Variants in SH2D4A observed in about 807,000 individuals in gnomAD.
SH2D4A encodes the protein SH2 domain-containing protein 4A.
Under a neutral mutation model 64.7 loss-of-function variants are expected in SH2D4A, and 70 were observed. The observed-to-expected ratio is 1.08, with a 90% CI of 0.89 to 1.32. SH2D4A has a LOEUF of 1.32. SH2D4A is among the 40% of genes most tolerant of loss of function. The pLI is 0.00. For missense variants in SH2D4A, 706 were observed against 540.1 expected, an observed-to-expected ratio of 1.31 and a Z score of -3.04; for synonymous variants, 268 against 200.7, an observed-to-expected ratio of 1.34 and a Z score of -2.83.
chr8:19,385,835 A>G (rs943120833), intron 8 of SH2D4A, among the ~76,000 whole-genome samples: 7 of 152,286 alleles, frequency 4.6e-5, no homozygotes, highest in Middle Eastern at 6.8e-3. Context: ...GTGATCATCT[A>G]TCCTTCTACT....
At chr8:19,372,008 CTA>C (rs984802892) in intron 7 of SH2D4A, among the ~76,000 whole-genome samples, 4 of 152,164 alleles carry the variant, frequency 2.6e-5, no homozygotes, top group African/African-American at 7.2e-5. Context: ...TCACACATCT[CTA>C]TGACTTTAGG....
At chr8:19,350,615 C>G (rs1467173414) in intron 4 of SH2D4A, among the ~76,000 whole-genome samples, 2 of 152,134 alleles carry the variant, frequency 1.3e-5, no homozygotes, top group African/African-American at 4.8e-5. Context: ...TCCCGAGTAG[C>G]TGGAACTACA....
intron 8 of SH2D4A, among the ~76,000 whole-genome samples, chr8:19,391,116 C>CAT (rs2053485632): frequency 6.6e-6 from 1 of 152,156 alleles, no homozygotes. Context: ...TCATTGAAAA[C>CAT]ATCCCTGGGT....
At chr8:19,350,676 G>A (rs2117254589) in intron 4 of SH2D4A, among the ~76,000 whole-genome samples, 1 of 152,218 alleles carries the variant, frequency 6.6e-6, no homozygotes, top group East Asian at 1.9e-4. Context: ...TAAAGACAGG[G>A]TTTCACCATG....
intron 4 of SH2D4A, among the ~76,000 whole-genome samples, chr8:19,354,261 A>C (rs2052755504): frequency 6.6e-6 from 1 of 152,164 alleles, no homozygotes; most frequent in African/African-American, 2.4e-5. Context: ...TTGGCCTCTC[A>C]AAGTGCTGGG....
At chr8:19,314,827 T>C (rs995381946) in intron 1 of SH2D4A, among the ~76,000 whole-genome samples, 18 of 152,208 alleles carry the variant, frequency 1.2e-4, no homozygotes, top group African/African-American at 4.1e-4. Context: ...TTCTGAAGAA[T>C]AGTATATATT....
At chr8:19,374,850 T>G (rs186731516) in intron 8 of SH2D4A, among the ~76,000 whole-genome samples, 20 of 152,274 alleles carry the variant, frequency 1.3e-4, no homozygotes, top group African/African-American at 4.8e-4. Flanking sequence ...TAGCCGCGGC[T>G]GTCTCAGCTG....
At chr8:19,387,943 T>C (rs2053418970) in intron 8 of SH2D4A, among the ~76,000 whole-genome samples, 1 of 152,206 alleles carries the variant, frequency 6.6e-6, no homozygotes, top group Non-Finnish European at 1.5e-5. Flanking sequence ...GTTCTGATCC[T>C]TGACTCATTA....
chr8:19,333,181 A>G (rs1574287), intron 3 of SH2D4A, 67 bp downstream of exon 3: 338,845 of 1,509,266 alleles, frequency 0.22, 40,159 homozygotes, highest in African/African-American at 0.34. Context: ...TTGCAAACAC[A>G]CCTCTTGCTC....
intron 4 of SH2D4A, among the ~76,000 whole-genome samples, chr8:19,348,490 A>C (rs933484209): frequency 2.0e-5 from 3 of 152,212 alleles, no homozygotes; most frequent in South Asian, 2.1e-4. Context: ...ACTTCCACTT[A>C]AATTTTCCGT....
intron 1 of SH2D4A, 137 bp downstream of exon 1, chr8:19,313,960 C>T (rs1047371091): frequency 1.6e-6 from 2 of 1,262,846 alleles, no homozygotes; most frequent in Non-Finnish European, 9.9e-7. Context: ...GCCTCACCCC[C>T]GCCTCCACCC....
intron 4 of SH2D4A, among the ~76,000 whole-genome samples, chr8:19,343,321 T>C (rs1024669572): frequency 1.6e-4 from 25 of 152,148 alleles, no homozygotes; most frequent in African/African-American, 6.0e-4. Context: ...TAGTTCCAGC[T>C]ACTCCAGTGG....
intron 8 of SH2D4A, among the ~76,000 whole-genome samples, chr8:19,378,911 C>CAA (rs375441883): frequency 0.16 from 16,809 of 102,806 alleles, 1,573 homozygotes; most frequent in Non-Finnish European, 0.18. Flanking sequence ...CCCATCTCTC[C>CAA]AAAAAAAAAA....
Position 19,319,626 on chromosome 8 carries a change from C to CAACA in SH2D4A, c.79_80insAACA (p.Leu27GlnfsTer48). 1 of 1,611,196 alleles carries CAACA rather than the reference C, an allele frequency of 6.2e-7. No individual in the cohort carries two copies. Among genetic ancestry groups the CAACA allele is most frequent in the African/African-American group, 1.3e-5 (1 of 74,888 alleles). Reference sequence around the variant, plus strand: ...GCTCAGCGAAGAACAGAAACAGATCCTGTTCTTCAAGATGAGAGAGGAACA... The same window carrying CAACA: ...GCTCAGCGAAGAACAGAAACAGATCCAACATGTTCTTCAAGATGAGAGAGGAACA... On this transcript the variant is annotated frameshift_variant, in exon 2 of 10. Transcript: ENST00000265807. LOFTEE classifies it high-confidence loss of function.
intron 9 of SH2D4A, among the ~76,000 whole-genome samples, chr8:19,393,870 A>G (rs1428196735): frequency 3.9e-5 from 6 of 152,164 alleles, no homozygotes; most frequent in South Asian, 4.1e-4. Flanking sequence ...CTGGATGACA[A>G]TTTCTCCATG....
intron 2 of SH2D4A, among the ~76,000 whole-genome samples, chr8:19,326,818 C>A (rs1312424609): frequency 6.6e-6 from 1 of 152,156 alleles, no homozygotes; most frequent in Non-Finnish European, 1.5e-5. Flanking sequence ...CCTTGATCTC[C>A]ACCTTAGCTG....
chr8:19,357,192 T>G lies in SH2D4A; in HGVS notation c.514-11T>G. ...TCCAAATGCCATAAATGTGTTTCGT[T>G]TAATTTTTAGTCACTCTCCAGTTCT... On this transcript the variant is annotated splice_polypyrimidine_tract_variant and intron_variant, in intron 4 of 9. Coordinates refer to ENST00000265807, the MANE Select transcript of SH2D4A (RefSeq NM_022071.4). 1 of 1,607,226 alleles carries G rather than the reference T, an allele frequency of 6.2e-7. No homozygotes were observed. The highest frequency in any genetic ancestry group is 8.5e-7 in the Non-Finnish European group (1 of 1,173,780).
rs777155346 is a variant in SH2D4A, at chr8:19,393,499, G to C, written c.1230G>C (p.Gln410His). 1.9e-6 allele frequency: 3 copies of C among 1,614,218 alleles called. No individual in the cohort carries two copies. The South Asian group carries it at 3.3e-5, about 18-fold the overall frequency. ...ADAYSFLGVD[Q>H]LQHATLADLV... ...CCTACAGCTTCCTGGGCGTGGACCA[G>C]CTACAGCATGCCACCTTGGCGGATT... Residue 410 changes from glutamine to histidine, a missense_variant, in exon 9 of 10, where the codon CAG becomes CAC. Physicochemically the swap from Gln to His is conservative, Grantham distance 24. Coordinates refer to ENST00000265807, the MANE Select transcript of SH2D4A (RefSeq NM_022071.4).
intron 2 of SH2D4A, among the ~76,000 whole-genome samples, chr8:19,322,156 A>G (rs1275675089): frequency 6.6e-6 from 1 of 152,172 alleles, no homozygotes; most frequent in East Asian, 1.9e-4. Flanking sequence ...CTAAAATCCC[A>G]TCACTTCTCT....
Sources: gnomAD v4.1 joint callset for allele counts (sites outside exome capture counted in the v4.1 genomes callset) on GRCh38, gnomAD v4.1.1 for gene constraint, MANE v1.5 for transcripts, NCBI Gene and HGNC (gene_info 2026-07-23, HGNC 2026-07-21) for gene names.